Variants in NXN observed in about 807,000 individuals in gnomAD.
NXN encodes the protein nucleoredoxin.
Under a neutral mutation model 48.6 loss-of-function variants are expected in NXN, and 16 were observed. That is an observed-to-expected ratio of 0.33 (90% CI 0.22 to 0.50). The LOEUF (loss-of-function observed/expected upper bound fraction) is 0.50. NXN is among the 20% of genes least tolerant of loss of function. NXN has a pLI of 0.98. For synonymous variants in NXN, 281 were observed against 269.6 expected, an observed-to-expected ratio of 1.04 and a Z score of -0.41; for missense variants, 492 against 605.5, an observed-to-expected ratio of 0.81 and a Z score of 1.97.
At chr17:951,765 G>A (rs3813436) in intron 1 of NXN, among the ~76,000 whole-genome samples, 20 of 152,030 alleles carry the variant, frequency 1.3e-4, no homozygotes, top group Non-Finnish European at 2.6e-4. Context: ...CCAGAGGGGC[G>A]GGCAGCAGGA....
At chr17:840,378 C>T (rs898752780) in intron 1 of NXN, among the ~76,000 whole-genome samples, 11 of 152,016 alleles carry the variant, frequency 7.2e-5, no homozygotes, top group South Asian at 2.1e-4. Flanking sequence ...CTCGCTCTGC[C>T]GCCCAGGCTG....
At chr17:976,046 T>TAA (rs2069453542) in intron 1 of NXN, among the ~76,000 whole-genome samples, 1 of 152,242 alleles carries the variant, frequency 6.6e-6, no homozygotes, top group Non-Finnish European at 1.5e-5. Flanking sequence ...TGCACAGCTA[T>TAA]ATAATAATGT....
At chr17:816,454 C>T (rs1270257311) in intron 5 of NXN, among the ~76,000 whole-genome samples, 5 of 152,018 alleles carry the variant, frequency 3.3e-5, no homozygotes, top group Admixed American at 2.6e-4. Flanking sequence ...TCTGCACGTG[C>T]GGTTCCGTCT....
At chr17:933,779 T>C (rs1260182794) in intron 1 of NXN, among the ~76,000 whole-genome samples, 2 of 152,144 alleles carry the variant, frequency 1.3e-5, no homozygotes, top group Non-Finnish European at 2.9e-5. Context: ...GAAGCCTACG[T>C]GGTCAACTTT....
At chr17:879,624 T>G (rs909631221) in intron 1 of NXN, among the ~76,000 whole-genome samples, 3 of 152,022 alleles carry the variant, frequency 2.0e-5, no homozygotes, top group African/African-American at 4.8e-5. Context: ...TAAAGGTTTC[T>G]GGCAAGCAGG....
intron 1 of NXN, among the ~76,000 whole-genome samples, chr17:853,305 G>A (rs1325429855): frequency 1.3e-5 from 2 of 152,066 alleles, no homozygotes; most frequent in Non-Finnish European, 2.9e-5. Context: ...TTAGCCGGGT[G>A]TGGTGGTGCA....
At chr17:879,042 C>G (rs533800554) in intron 1 of NXN, among the ~76,000 whole-genome samples, 6 of 151,802 alleles carry the variant, frequency 4.0e-5, no homozygotes, top group East Asian at 3.9e-4. Flanking sequence ...GCAGGCGCCT[C>G]TAATCCCAGC....
At chr17:937,347 G>A (rs78967542) in intron 1 of NXN, among the ~76,000 whole-genome samples, 5,603 of 152,092 alleles carry the variant, frequency 0.037, 261 homozygotes, top group South Asian at 0.1. Flanking sequence ...AGCGGCCAGA[G>A]GAAACGGAAG....
At chr17:829,183 G>A (rs1465506856) in intron 1 of NXN, among the ~76,000 whole-genome samples, 3 of 150,520 alleles carry the variant, frequency 2.0e-5, no homozygotes, top group Admixed American at 1.3e-4. Context: ...GGCAAACAGA[G>A]TCTCGCTCTG....
At position 805,098 on chromosome 17, in the gene NXN, T is replaced by A; in HGVS notation, c.970A>T (p.Asn324Tyr). ...AAAAGGACGAGGCAGGGGCCCTCGT[T>A]AAGCTGCGCGGCGTTGGAGTCGGAG... ...ELSDSNAAQL[N>Y]EGPCLVLFVD... Residue 324 changes from asparagine (N) to tyrosine (Y), a missense_variant, in exon 6 of 8, where the codon AAC becomes TAC. Around this residue, in one of 3 missense-constraint regions of NXN, gnomAD observed 303 missense variants for 388.3 expected, o/e 0.78. Transcript: ENST00000336868. 6.2e-7 allele frequency: 1 copy of A among 1,608,130 alleles called. No individual in the cohort carries two copies. Among genetic ancestry groups the A allele is most frequent in the Non-Finnish European group, 8.5e-7 (1 of 1,177,972 alleles).
chr17:906,979 A>T (rs189547741), intron 1 of NXN, among the ~76,000 whole-genome samples: 92 of 152,254 alleles, frequency 6.0e-4, no homozygotes, highest in South Asian at 1.5e-3. Flanking sequence ...TTTGGTCTAT[A>T]AACATTTTGC....
chr17:919,628 C>T lies in NXN; in HGVS notation c.360+59691G>A, dbSNP rs1488536631. 2.6e-5 allele frequency among the ~76,000 whole-genome samples: 4 copies of T among 152,088 alleles called. No homozygotes were observed. Among genetic ancestry groups the T allele is most frequent in the South Asian group, 4.2e-4 (2 of 4,814 alleles). On this transcript the variant is annotated intron_variant, in intron 1 of 7. Transcript: ENST00000336868. This position sits in a 1 kb window ranked among gnomAD's most constrained non-coding sequence, Gnocchi z 5.1. ...TCGGAATCCCCGCATTCGTCCCACG[C>T]GGCCCTCAGACACGGGCTCTGGTTC...
intron 1 of NXN, among the ~76,000 whole-genome samples, chr17:928,864 T>TGGAGAATA (rs2068826778): frequency 6.6e-6 from 1 of 152,024 alleles, no homozygotes; most frequent in African/African-American, 2.4e-5. Context: ...TAAAAGATAC[T>TGGAGAATA]GGAGAATACC....
chr17:879,106 A>G (rs969498084), intron 1 of NXN, among the ~76,000 whole-genome samples: 15 of 152,028 alleles, frequency 9.9e-5, no homozygotes, highest in African/African-American at 2.4e-4. Flanking sequence ...CAGAGGTTTT[A>G]GTGAGCCAAG....
At chr17:973,283 C>T (rs137921440) in intron 1 of NXN, among the ~76,000 whole-genome samples, 1 of 152,152 alleles carries the variant, frequency 6.6e-6, no homozygotes, top group South Asian at 2.1e-4. Flanking sequence ...CTAGAGGTGG[C>T]GTTTCTACAG....
chr17:861,095 C>G (rs2068035706), intron 1 of NXN, among the ~76,000 whole-genome samples: 1 of 152,106 alleles, frequency 6.6e-6, no homozygotes, highest in Non-Finnish European at 1.5e-5. Context: ...TGCAACATAT[C>G]AGTATCAACT....
chr17:920,157 C>T lies in NXN; in HGVS notation c.360+59162G>A, dbSNP rs538803859. On this transcript the variant is annotated intron_variant, in intron 1 of 7. Transcript: ENST00000336868. This position sits in a 1 kb window ranked among gnomAD's most constrained non-coding sequence, Gnocchi z 4.6. ...TCAAGCGATCAGCCCATCTCAGCCGCCCAAAGTGCTGGGATGACAAGCACG... is the reference window on the plus strand; with the variant it reads ...TCAAGCGATCAGCCCATCTCAGCCGTCCAAAGTGCTGGGATGACAAGCACG... 2.2e-4 allele frequency among the ~76,000 whole-genome samples: 34 copies of T among 152,146 alleles called. No individual in the cohort carries two copies. Among genetic ancestry groups the T allele is most frequent in the Non-Finnish European group, 4.0e-4 (27 of 68,022 alleles).
intron 1 of NXN, among the ~76,000 whole-genome samples, chr17:859,968 C>G (rs2068025331): frequency 6.6e-6 from 1 of 152,090 alleles, no homozygotes; most frequent in Admixed American, 6.6e-5. Flanking sequence ...AAGCATCAAG[C>G]AAAGGGCCCA....
intron 1 of NXN, among the ~76,000 whole-genome samples, chr17:922,853 G>A (rs1025815062): frequency 6.6e-6 from 1 of 151,846 alleles, no homozygotes; most frequent in East Asian, 2.0e-4. Context: ...GGGTTTCACC[G>A]TATTAGCCAG....
Sources: allele counts gnomAD v4.1 joint callset (sites outside exome capture counted in the v4.1 genomes callset), GRCh38; gene constraint gnomAD v4.1.1; regional missense constraint gnomAD v4.1.1; non-coding constraint Gnocchi (gnomAD v3.1); transcripts MANE v1.5; gene names NCBI Gene and HGNC (gene_info 2026-07-23, HGNC 2026-07-21).